The following MYO5A variants were observed in gnomAD, a reference collection of about 807,000 sequenced individuals.
The protein encoded by MYO5A is unconventional myosin-Va.
MYO5A carries 98 observed loss-of-function variants against 249.7 expected under a neutral mutation model. The observed-to-expected ratio is 0.39, with a 90% CI of 0.33 to 0.46. The LOEUF (loss-of-function observed/expected upper bound fraction) is 0.46. Ranked by LOEUF, MYO5A falls within the 20% of genes least tolerant of loss-of-function variation. The probability of loss-of-function intolerance (pLI) is 0.98; values close to 1 mark genes in which losing one functional copy is unlikely to be tolerated. For synonymous variants in MYO5A, 778 were observed against 810.6 expected, an observed-to-expected ratio of 0.96 and a Z score of 0.68; for missense variants, 1,696 against 2,308.8, an observed-to-expected ratio of 0.73 and a Z score of 5.44.
chr15:52,525,570 T>A (rs2077716009), intron 1 of MYO5A, among the ~76,000 whole-genome samples: 1 of 152,224 alleles, frequency 6.6e-6, no homozygotes, highest in South Asian at 2.1e-4. Flanking sequence ...GACATTTTTT[T>A]AAAGAGCACT....
At chr15:52,402,557 A>G (rs1176107411) in intron 9 of MYO5A, among the ~76,000 whole-genome samples, 1 of 152,178 alleles carries the variant, frequency 6.6e-6, no homozygotes, top group Non-Finnish European at 1.5e-5. Flanking sequence ...TTTAAAGCTC[A>G]TTTAAGGCCA....
rs138744827 is a variant in MYO5A, at chr15:52,311,319, T to C, written c.*2377A>G. 6.6e-6 allele frequency: 1 copy of C among 152,306 alleles called. No homozygotes were observed. The highest frequency in any genetic ancestry group is 1.5e-5 in the Non-Finnish European group (1 of 68,030). 9.4% of individuals were successfully genotyped at this position (152,306 alleles called of 1,614,324 possible). A position where few individuals can be genotyped will look rare whatever the true frequency, so the allele number is the denominator to read the frequency against. On this transcript the variant is annotated 3_prime_UTR_variant, in exon 42 of 42. Coordinates refer to ENST00000399233, the MANE Select transcript of MYO5A (RefSeq NM_001382347.1). ...GCTGAGGCGGACAGCCTGTACCACG[T>C]TGCATTTTCTTAGCAACTCCCCAAC...
At position 52,312,701 on chromosome 15, in the gene MYO5A, G is replaced by A. The variant is rs1195841103; in HGVS notation, c.*995C>T. On this transcript the variant is annotated 3_prime_UTR_variant, in exon 42 of 42. Transcript: ENST00000399233. ...ATTAAGAAGAGAGAAAACCTGTCAAGGTTGAAAATATGCACTGAAGGAATC... is the reference window on the plus strand; with the variant it reads ...ATTAAGAAGAGAGAAAACCTGTCAAAGTTGAAAATATGCACTGAAGGAATC... 2.6e-5 allele frequency: 4 copies of A among 152,184 alleles called. No homozygotes were observed. The highest frequency in any genetic ancestry group is 7.2e-5 in the African/African-American group (3 of 41,430). The allele number at this position is 152,184 out of a possible 1,614,324, so 9.4% of individuals were successfully genotyped here.
chr15:52,330,206 C>G (rs78826640), intron 35 of MYO5A, 147 bp downstream of exon 35: 2 of 1,095,798 alleles, frequency 1.8e-6, no homozygotes, highest in Non-Finnish European at 2.8e-6. Context: ...TTGGTGTGGT[C>G]AGAACACTAC....
At chr15:52,332,823 G>A (rs1193131278) in intron 34 of MYO5A, among the ~76,000 whole-genome samples, 1 of 151,990 alleles carries the variant, frequency 6.6e-6, no homozygotes, top group African/African-American at 2.4e-5. Flanking sequence ...AAATTAGCCG[G>A]GCATGGTGGT....
chr15:52,407,186 T>C, intron 8 of MYO5A, 106 bp downstream of exon 8: 1 of 797,414 alleles, frequency 1.3e-6, no homozygotes, highest in East Asian at 2.6e-5. Flanking sequence ...TTAAATCTTC[T>C]AGCAATACTT....
At chr15:52,372,909 G>A (rs2041203040) in intron 20 of MYO5A, among the ~76,000 whole-genome samples, 1 of 151,692 alleles carries the variant, frequency 6.6e-6, no homozygotes, top group Admixed American at 6.6e-5. Context: ...CAAACTGTCT[G>A]TAGAGGCCAA....
At chr15:52,481,496 T>C (rs147670122) in intron 1 of MYO5A, among the ~76,000 whole-genome samples, 1 of 152,278 alleles carries the variant, frequency 6.6e-6, no homozygotes, top group African/African-American at 2.4e-5. Flanking sequence ...ACACTGTCAA[T>C]ATGACACACA....
rs1346477943 is a variant in MYO5A at position 52,309,688 on chromosome 15, C to T, written c.*4008G>A. On this transcript the variant is annotated 3_prime_UTR_variant, in exon 42 of 42. Coordinates refer to ENST00000399233, the MANE Select transcript of MYO5A (RefSeq NM_001382347.1). ...GAAACGAGGTAACAGAGGAAAGCGCCGCAGGAAAGCATATCTGGACCCAGG... is the reference window on the plus strand; with the variant it reads ...GAAACGAGGTAACAGAGGAAAGCGCTGCAGGAAAGCATATCTGGACCCAGG... 1.3e-5 allele frequency: 2 copies of T among 152,216 alleles called. No homozygotes were observed. Among genetic ancestry groups the T allele is most frequent in the Admixed American group, 6.5e-5 (1 of 15,278 alleles). 9.4% of individuals were successfully genotyped at this position (152,216 alleles called of 1,614,324 possible).
intron 11 of MYO5A, among the ~76,000 whole-genome samples, chr15:52,395,164 A>T (rs2141178789): frequency 6.6e-6 from 1 of 152,266 alleles, no homozygotes; most frequent in Non-Finnish European, 1.5e-5. Flanking sequence ...TCTGATATTT[A>T]CCTACATATT....
chr15:52,320,967 C>T (rs1011710747), intron 38 of MYO5A, among the ~76,000 whole-genome samples: 2 of 150,564 alleles, frequency 1.3e-5, no homozygotes, highest in East Asian at 2.0e-4. Context: ...GAGCTGAGAT[C>T]GCGCCACTGC....
chr15:52,337,707 GAA>G, intron 33 of MYO5A, 101 bp downstream of exon 33: 2 of 814,644 alleles, frequency 2.5e-6, no homozygotes, highest in Non-Finnish European at 1.9e-6. Context: ...TGAAAATTTT[GAA>G]GAGACTTCCT....
intron 25 of MYO5A, among the ~76,000 whole-genome samples, chr15:52,358,141 C>A (rs976406328): frequency 1.3e-5 from 2 of 152,190 alleles, no homozygotes; most frequent in African/African-American, 4.8e-5. Flanking sequence ...TGAAGATCGG[C>A]AAGCGTGGGA....
intron 9 of MYO5A, 101 bp from the exon 10 acceptor site, chr15:52,397,567 C>A (rs773248207): frequency 7.9e-6 from 11 of 1,386,724 alleles, no homozygotes; most frequent in African/African-American, 4.3e-5. Flanking sequence ...TCAGCAATTT[C>A]TTTGTTATAA....
intron 12 of MYO5A, 85 bp from the exon 13 acceptor site, chr15:52,389,448 T>A: frequency 1.3e-6 from 1 of 795,992 alleles, no homozygotes; most frequent in Non-Finnish European, 1.7e-6. Flanking sequence ...GATCTTTTAT[T>A]TTTTTTTTTT....
intron 1 of MYO5A, among the ~76,000 whole-genome samples, chr15:52,448,242 A>C (rs2075936124): frequency 6.6e-6 from 1 of 152,230 alleles, no homozygotes; most frequent in African/African-American, 2.4e-5. Context: ...ACAGAGAGCC[A>C]AAGGAGATTC....
chr15:52,390,185 A>G (rs2042157250), intron 12 of MYO5A, among the ~76,000 whole-genome samples: 1 of 152,160 alleles, frequency 6.6e-6, no homozygotes, highest in African/African-American at 2.4e-5. Context: ...GGGATGGTTA[A>G]TAGGTACCAA....
intron 1 of MYO5A, among the ~76,000 whole-genome samples, chr15:52,516,425 A>T (rs1315748086): frequency 6.6e-5 from 10 of 152,238 alleles, no homozygotes; most frequent in Non-Finnish European, 1.2e-4. Context: ...AGGTTAAAAA[A>T]AATCAAGGTT....
intron 1 of MYO5A, among the ~76,000 whole-genome samples, chr15:52,467,676 C>G (rs1409022725): frequency 6.6e-6 from 1 of 151,952 alleles, no homozygotes; most frequent in African/African-American, 2.4e-5. Flanking sequence ...CCCAGCAATC[C>G]CCAGGAAAAT....
Sources: allele counts gnomAD v4.1 joint callset (sites outside exome capture counted in the v4.1 genomes callset), GRCh38; gene constraint gnomAD v4.1.1; transcripts MANE v1.5; gene names NCBI Gene and HGNC (gene_info 2026-07-23, HGNC 2026-07-21).